CAMSAP1: variants seen among roughly 807,000 people sequenced by gnomAD.
CAMSAP1 encodes the protein calmodulin-regulated spectrin-associated protein 1.
In CAMSAP1, 58 loss-of-function variants were observed where a neutral mutation model predicts 143.5. The observed-to-expected ratio is 0.40, with a 90% CI of 0.33 to 0.50. CAMSAP1 has a LOEUF of 0.50. Ranked by LOEUF, CAMSAP1 falls within the 20% of genes least tolerant of loss-of-function variation. CAMSAP1 has a pLI of 0.45. For missense variants in CAMSAP1, 1,969 were observed against 2,115.7 expected (o/e 0.93, Z 1.36); for synonymous variants, 945 against 859.3 (o/e 1.10, Z -1.74).
chr9:135,887,514 C>T (rs1838163033), intron 1 of CAMSAP1, among the ~76,000 whole-genome samples: 1 of 152,154 alleles, frequency 6.6e-6, no homozygotes, highest in Admixed American at 6.5e-5. Context: ...CGAAAGAAAA[C>T]CCAATCAATG....
Position 135,821,808 on chromosome 9 carries a change from A to C in CAMSAP1, c.2853T>G (p.Val951=). The change falls in exon 11 of 17, where the codon GTT becomes GTG. Residue 951 remains valine, a synonymous_variant. Coordinates refer to ENST00000389532, the MANE Select transcript of CAMSAP1 (RefSeq NM_015447.4). The surrounding 1 kb of genome is among the most constrained non-coding windows in gnomAD (Gnocchi z 4.6). ...QHNGEDCGDA[V]SKTEDFLVKE... is the part of the protein sequence containing the mutation. ...TCACGAGAAAGTCTTCGGTTTTGGA[A>C]ACAGCGTCCCCACAGTCCTCCCCGT... The C allele has an allele frequency of 6.2e-7, 1 of 1,613,876 alleles. No individual in the cohort carries two copies. The highest frequency in any genetic ancestry group is 8.5e-7 in the Non-Finnish European group (1 of 1,179,866).
chr9:135,855,846 A>G (rs1187974917), intron 5 of CAMSAP1, among the ~76,000 whole-genome samples: 1 of 151,748 alleles, frequency 6.6e-6, no homozygotes, highest in Non-Finnish European at 1.5e-5. Context: ...AGGTCAGGAG[A>G]TCAAGACCAT....
intron 7 of CAMSAP1, among the ~76,000 whole-genome samples, chr9:135,830,810 A>G (rs1835834700): frequency 1.3e-5 from 2 of 152,224 alleles, no homozygotes; most frequent in Admixed American, 1.3e-4. Flanking sequence ...AACAAGTCTT[A>G]AAATATTTAA....
chr9:135,883,071 G>C lies in CAMSAP1; in HGVS notation c.168C>G (p.Ile56Met). 6.4e-7 allele frequency: 1 copy of C among 1,551,720 alleles called. No individual in the cohort carries two copies. The highest frequency in any genetic ancestry group is 8.7e-7 in the Non-Finnish European group (1 of 1,146,990). ...AGAAAGGGTCTCTGAGGTCCTCAGGGATGTTATCTAAGACAGGGAGGGGAT... is the reference window on the plus strand; with the variant it reads ...AGAAAGGGTCTCTGAGGTCCTCAGGCATGTTATCTAAGACAGGGAGGGGAT... ...ICAKAYGRDN[I>M]PEDLRDPFYV... Residue 56 changes from isoleucine to methionine, a missense_variant, in exon 2 of 17, where the codon ATC becomes ATG. Physicochemically the swap from Ile to Met is conservative, Grantham distance 10. Around this residue, in one of 4 missense-constraint regions of CAMSAP1, gnomAD observed 215 missense variants for 196.2 expected, o/e 1.10. Coordinates refer to ENST00000389532, the MANE Select transcript of CAMSAP1 (RefSeq NM_015447.4).
intron 16 of CAMSAP1, among the ~76,000 whole-genome samples, chr9:135,814,028 C>T (rs1835143655): frequency 6.6e-6 from 1 of 152,194 alleles, no homozygotes; most frequent in Admixed American, 6.5e-5. Flanking sequence ...GGGTCGACTC[C>T]ACACTGAGGG....
chr9:135,821,402 G>A lies in CAMSAP1; in HGVS notation c.3259C>T (p.His1087Tyr). Residue 1087 changes from histidine (H) to tyrosine (Y), a missense_variant, in exon 11 of 17, where the codon CAC becomes TAC. Around this residue, in one of 4 missense-constraint regions of CAMSAP1, gnomAD observed 1,390 missense variants for 1,420.8 expected, o/e 0.98. Transcript: ENST00000389532. The surrounding 1 kb of genome is among the most constrained non-coding windows in gnomAD (Gnocchi z 4.6). ...EPLSPTGVAG[H>Y]RKAPRLGQGR... ...TGACCCAGCCGGGGGGCTTTGCGGT[G>A]GCCAGCCACGCCCGTGGGAGAGAGT... The A allele has an allele frequency of 6.2e-7, 1 of 1,613,990 alleles. No individual in the cohort carries two copies. The highest frequency in any genetic ancestry group is 1.1e-5 in the South Asian group (1 of 91,082).
At chr9:135,895,550 C>CA (rs1838422422) in intron 1 of CAMSAP1, among the ~76,000 whole-genome samples, 1 of 152,132 alleles carries the variant, frequency 6.6e-6, no homozygotes, top group Non-Finnish European at 1.5e-5. Context: ...AATAATCTGT[C>CA]AAACCTTAAA....
chr9:135,872,758 T>C (rs568149777), intron 3 of CAMSAP1, among the ~76,000 whole-genome samples: 50 of 152,360 alleles, frequency 3.3e-4, no homozygotes, highest in African/African-American at 1.2e-3. Flanking sequence ...CCACCAGTGA[T>C]GAAAAGCAAC....
At chr9:135,893,205 G>C (rs576624262) in intron 1 of CAMSAP1, among the ~76,000 whole-genome samples, 4 of 150,902 alleles carry the variant, frequency 2.7e-5, no homozygotes, top group Non-Finnish European at 5.9e-5. Context: ...GAGAAGGAGA[G>C]AGGAGGACAG....
intron 7 of CAMSAP1, among the ~76,000 whole-genome samples, chr9:135,842,894 T>C (rs1288115493): frequency 1.3e-5 from 2 of 152,192 alleles, no homozygotes; most frequent in Admixed American, 1.3e-4. Flanking sequence ...TGCCAAATTG[T>C]AAAGACCATC....
At chr9:135,903,916 A>G (rs1838690626) in intron 1 of CAMSAP1, among the ~76,000 whole-genome samples, 1 of 152,256 alleles carries the variant, frequency 6.6e-6, no homozygotes. Flanking sequence ...TCAGTCTCTT[A>G]CAAGATACAG....
intron 3 of CAMSAP1, among the ~76,000 whole-genome samples, chr9:135,877,496 TAAAA>T (rs59498050): frequency 2.3e-5 from 3 of 128,804 alleles, no homozygotes; most frequent in African/African-American, 2.8e-5. Context: ...AGAGCTGTCT[TAAAA>T]AAAAAAAAAA....
rs546032815 is a variant in CAMSAP1, at chr9:135,873,195, T to C, written c.586-6659A>G. Among the ~76,000 whole-genome samples, 5 of 152,314 alleles carry C rather than the reference T, an allele frequency of 3.3e-5. No homozygotes were observed. The East Asian group carries it at 9.6e-4, about 29-fold the overall frequency. ...AAGCTATCTAGAACCTCTCTTTAAG[T>C]ATCTGAAAATTAAACATCTGACTTC... On this transcript the variant is annotated intron_variant, in intron 3 of 16. Coordinates refer to ENST00000389532, the MANE Select transcript of CAMSAP1 (RefSeq NM_015447.4).
At chr9:135,903,069 C>G (rs1838665896) in intron 1 of CAMSAP1, among the ~76,000 whole-genome samples, 1 of 152,218 alleles carries the variant, frequency 6.6e-6, no homozygotes, top group African/African-American at 2.4e-5. Flanking sequence ...ACATTGTCCC[C>G]TGAAACCAAG....
intron 5 of CAMSAP1, among the ~76,000 whole-genome samples, chr9:135,861,551 G>A (rs113920701): frequency 1.8e-3 from 281 of 152,196 alleles, no homozygotes; most frequent in African/African-American, 4.7e-3. Flanking sequence ...GTGATCTACC[G>A]CCTCGGCCTT....
At chr9:135,817,611 C>G (rs1835276695) in intron 14 of CAMSAP1, among the ~76,000 whole-genome samples, 1 of 152,084 alleles carries the variant, frequency 6.6e-6, no homozygotes, top group South Asian at 2.1e-4. Flanking sequence ...GTTGCCCAGG[C>G]TGGTCTGGAA....
chr9:135,834,081 G>C (rs1401404738), intron 7 of CAMSAP1, among the ~76,000 whole-genome samples: 1 of 152,208 alleles, frequency 6.6e-6, no homozygotes, highest in Non-Finnish European at 1.5e-5. Context: ...CCAGTCATCA[G>C]GGAGTGCAAA....
In CAMSAP1 at chr9:135,829,839, C is replaced by G. The variant is rs11103197; in HGVS notation, c.1046-2255G>C. Among the ~76,000 whole-genome samples, 586 of 141,244 alleles carry G rather than the reference C, an allele frequency of 4.1e-3. 14 individuals are homozygous for G. The East Asian group carries it at 0.076, about 18-fold the overall frequency. The allele number at this position is 141,244 out of a possible 152,430, so 92.7% of individuals were successfully genotyped here. A position where few individuals can be genotyped will look rare whatever the true frequency, so the allele number is the denominator to read the frequency against. ...CTGCACTCCAGCCTGGGCGACAGAG[C>G]GAGACTCTGTCATAAATAAATAAAT... On this transcript the variant is annotated intron_variant, in intron 7 of 16. Transcript: ENST00000389532.
chr9:135,897,643 G>A (rs1235489895), intron 1 of CAMSAP1, among the ~76,000 whole-genome samples: 1 of 152,110 alleles, frequency 6.6e-6, no homozygotes, highest in African/African-American at 2.4e-5. Flanking sequence ...GGGTCATCAA[G>A]CCATGATGAC....
Sources: allele counts gnomAD v4.1 joint callset (sites outside exome capture counted in the v4.1 genomes callset), GRCh38; gene constraint gnomAD v4.1.1; regional missense constraint gnomAD v4.1.1; non-coding constraint Gnocchi (gnomAD v3.1); transcripts MANE v1.5; gene names NCBI Gene and HGNC (gene_info 2026-07-23, HGNC 2026-07-21).